Variants in ZBTB20 observed in about 807,000 individuals in gnomAD.
ZBTB20 encodes zinc finger and BTB domain-containing protein 20.
In ZBTB20, 9 loss-of-function variants were observed where a neutral mutation model predicts 56.9. The observed-to-expected ratio is 0.16, with a 90% CI of 0.10 to 0.28. ZBTB20 has a LOEUF of 0.28. Among genes scored for constraint, ZBTB20 ranks in the 10% least tolerant of loss-of-function variants. The probability of loss-of-function intolerance (pLI) is 1.00; values close to 1 mark genes in which losing one functional copy is unlikely to be tolerated. For synonymous variants in ZBTB20, 417 were observed against 420.7 expected (o/e 0.99, Z 0.11); for missense variants, 655 against 1,003.0 (o/e 0.65, Z 4.69).
chr3:115,071,554 C>T (rs2082409736), intron 1 of ZBTB20, among the ~76,000 whole-genome samples, 140 bp from the exon 2 acceptor site: 1 of 152,104 alleles, frequency 6.6e-6, no homozygotes, highest in African/African-American at 2.4e-5. Flanking sequence ...AGATAATTCC[C>T]ATGTTTATGC....
At chr3:114,353,554 G>A (rs2080905166) in intron 10 of ZBTB20, among the ~76,000 whole-genome samples, 2 of 152,154 alleles carry the variant, frequency 1.3e-5, no homozygotes, top group Admixed American at 6.5e-5. Flanking sequence ...TATAAGACAA[G>A]TTCTCTTTGC....
intron 3 of ZBTB20, among the ~76,000 whole-genome samples, chr3:114,951,521 C>A (rs1051458577): frequency 6.6e-6 from 1 of 152,030 alleles, no homozygotes. Flanking sequence ...ACAGATAGAC[C>A]AATGTCTACA....
intron 1 of ZBTB20, among the ~76,000 whole-genome samples, chr3:115,109,109 AC>A (rs1490640062): frequency 6.6e-6 from 1 of 152,186 alleles, no homozygotes; most frequent in Non-Finnish European, 1.5e-5. Context: ...AGACACATAT[AC>A]TATATGAACT....
chr3:114,920,947 C>T (rs1416467336), intron 3 of ZBTB20, among the ~76,000 whole-genome samples: 5 of 152,034 alleles, frequency 3.3e-5, no homozygotes, highest in African/African-American at 9.7e-5. Flanking sequence ...TATAAAAAGA[C>T]TACATTAAAC....
chr3:115,107,527 A>G (rs2083757846), intron 1 of ZBTB20, among the ~76,000 whole-genome samples: 1 of 152,260 alleles, frequency 6.6e-6, no homozygotes, highest in Non-Finnish European at 1.5e-5. Flanking sequence ...CTGCAAAGAA[A>G]TATGAACGCT....
chr3:114,813,043 ACCT>A (rs1359100215), intron 4 of ZBTB20, among the ~76,000 whole-genome samples: 1 of 152,002 alleles, frequency 6.6e-6, no homozygotes, highest in Admixed American at 6.5e-5. Flanking sequence ...CTCCCTCCAC[ACCT>A]CCTCGCAAGC....
intron 6 of ZBTB20, among the ~76,000 whole-genome samples, chr3:114,571,774 C>A (rs1559976272): frequency 6.6e-6 from 1 of 152,126 alleles, no homozygotes; most frequent in Non-Finnish European, 1.5e-5. Flanking sequence ...CCAGAGCAAA[C>A]CAACAGAATT....
intron 5 of ZBTB20, among the ~76,000 whole-genome samples, chr3:114,737,251 AT>A (rs1000756141): frequency 8.5e-5 from 13 of 152,114 alleles, no homozygotes; most frequent in African/African-American, 3.1e-4. Context: ...GTAGAGAAAC[AT>A]TTTTTTGAAA....
intron 1 of ZBTB20, among the ~76,000 whole-genome samples, chr3:115,072,773 A>C (rs182267483): frequency 1.3e-5 from 2 of 152,322 alleles, no homozygotes; most frequent in Admixed American, 6.5e-5. Context: ...TTACAGGATA[A>C]ACGTGAAAGG....
chr3:115,123,782 G>A lies in ZBTB20; in HGVS notation c.-703+23437C>T, dbSNP rs1039184284. Among the ~76,000 whole-genome samples the A allele has an allele frequency of 3.3e-5, 5 of 152,182 alleles. No homozygotes were observed. In the East Asian group the frequency reaches 9.6e-4, roughly 29 times the overall value. ...TCTTTATTCCAAGACTGGCTTTGATGCTAATGTTTGACTTCATTCTCCTGA... is the reference window on the plus strand; with the variant it reads ...TCTTTATTCCAAGACTGGCTTTGATACTAATGTTTGACTTCATTCTCCTGA... On this transcript the variant is annotated intron_variant, in intron 1 of 11. Transcript: ENST00000675478.
intron 2 of ZBTB20, among the ~76,000 whole-genome samples, chr3:115,050,882 T>C (rs2081521785): frequency 6.6e-6 from 1 of 152,046 alleles, no homozygotes; most frequent in Non-Finnish European, 1.5e-5. Context: ...TACAACTCTA[T>C]TAGAAACAAT....
At chr3:114,955,438 T>C (rs2077213383) in intron 3 of ZBTB20, among the ~76,000 whole-genome samples, 1 of 152,198 alleles carries the variant, frequency 6.6e-6, no homozygotes, top group African/African-American at 2.4e-5. Context: ...AATTCACTTG[T>C]TAGCTGCACT....
chr3:114,854,971 T>C (rs1312191172), intron 4 of ZBTB20, among the ~76,000 whole-genome samples: 1 of 152,228 alleles, frequency 6.6e-6, no homozygotes, highest in Non-Finnish European at 1.5e-5. Context: ...ATCAGCTTTC[T>C]TTTGTCTAAA....
intron 7 of ZBTB20, among the ~76,000 whole-genome samples, chr3:114,398,733 G>T (rs898175357): frequency 6.6e-6 from 1 of 152,124 alleles, no homozygotes; most frequent in African/African-American, 2.4e-5. Flanking sequence ...AAAGAAAAAG[G>T]ATATTTTCCT....
At chr3:114,909,235 T>C (rs1243072614) in intron 3 of ZBTB20, among the ~76,000 whole-genome samples, 1 of 151,934 alleles carries the variant, frequency 6.6e-6, no homozygotes. Flanking sequence ...CTGGCTAATG[T>C]GTGCATTTTT....
intron 6 of ZBTB20, among the ~76,000 whole-genome samples, chr3:114,601,986 T>C (rs772395445): frequency 1.3e-5 from 2 of 152,134 alleles, no homozygotes; most frequent in Non-Finnish European, 2.9e-5. Flanking sequence ...ATGAGTATTA[T>C]AATCCACCAA....
intron 10 of ZBTB20, among the ~76,000 whole-genome samples, chr3:114,370,775 C>G (rs1263143962): frequency 6.6e-6 from 1 of 152,184 alleles, no homozygotes; most frequent in Non-Finnish European, 1.5e-5. Flanking sequence ...TTAGTTGTCT[C>G]CACTGGGAAC....
chr3:114,696,889 C>T (rs947678093), intron 5 of ZBTB20, among the ~76,000 whole-genome samples: 16 of 151,862 alleles, frequency 1.1e-4, no homozygotes, highest in Admixed American at 2.6e-4. Context: ...AAAGGTGTTC[C>T]AGGGAGAAAT....
chr3:114,961,868 G>T (rs925598629), intron 3 of ZBTB20, among the ~76,000 whole-genome samples: 1 of 152,024 alleles, frequency 6.6e-6, no homozygotes, highest in Non-Finnish European at 1.5e-5. Context: ...CTATTGTTAT[G>T]GTTATTTCAT....
Sources: gnomAD v4.1 joint callset for allele counts (sites outside exome capture counted in the v4.1 genomes callset) on GRCh38, gnomAD v4.1.1 for gene constraint, MANE v1.5 for transcripts, NCBI Gene and HGNC (gene_info 2026-07-23, HGNC 2026-07-21) for gene names.